The following JARID2 variants were observed in gnomAD, a reference collection of about 807,000 sequenced individuals.
JARID2 encodes the protein protein Jumonji.
Under a neutral mutation model 125.6 loss-of-function variants are expected in JARID2, and 21 were observed. That is an observed-to-expected ratio of 0.17 (90% CI 0.12 to 0.24). The LOEUF is 0.24. Ranked by LOEUF, JARID2 falls within the 10% of genes least tolerant of loss-of-function variation. The probability of loss-of-function intolerance (pLI) is 1.00; values close to 1 mark genes in which losing one functional copy is unlikely to be tolerated. For missense variants in JARID2, 1,303 were observed against 1,639.6 expected (o/e 0.79, Z 3.55); for synonymous variants, 736 against 661.6 (o/e 1.11, Z -1.73).
At chr6:15,473,509 T>C (rs1769179681) in intron 5 of JARID2, among the ~76,000 whole-genome samples, 1 of 44,940 alleles carries the variant, frequency 2.2e-5, no homozygotes, top group Admixed American at 2.5e-4. Flanking sequence ...TCTTCTGATG[T>C]GCGTGCCCCC....
chr6:15,380,870 T>C (rs1288962209), intron 2 of JARID2, among the ~76,000 whole-genome samples: 1 of 152,134 alleles, frequency 6.6e-6, no homozygotes, highest in African/African-American at 2.4e-5. Context: ...CATGGTCTGA[T>C]TTACGTAAGT....
At chr6:15,407,878 A>C (rs1765715203) in intron 2 of JARID2, among the ~76,000 whole-genome samples, 2 of 152,212 alleles carry the variant, frequency 1.3e-5, no homozygotes, top group Non-Finnish European at 2.9e-5. Context: ...GTATTTGTTA[A>C]GTAAATTAAT....
chr6:15,274,310 A>G (rs1760410971), intron 1 of JARID2, among the ~76,000 whole-genome samples: 1 of 151,878 alleles, frequency 6.6e-6, no homozygotes, highest in Non-Finnish European at 1.5e-5. Flanking sequence ...GTTTTGGGGG[A>G]TGTCTTTAAT....
At chr6:15,500,681 G>A (rs991540149) in intron 7 of JARID2, among the ~76,000 whole-genome samples, 1 of 152,094 alleles carries the variant, frequency 6.6e-6, no homozygotes, top group Non-Finnish European at 1.5e-5. Context: ...CACCTAAAAT[G>A]GTAGTCCCTC....
chr6:15,439,001 C>T (rs1581566122), intron 3 of JARID2, among the ~76,000 whole-genome samples: 2 of 149,210 alleles, frequency 1.3e-5, no homozygotes, highest in African/African-American at 5.0e-5. Context: ...CACTGCACTC[C>T]AGCCTGGGTG....
At chr6:15,475,688 T>C (rs148037918) in intron 5 of JARID2, among the ~76,000 whole-genome samples, 1 of 152,292 alleles carries the variant, frequency 6.6e-6, no homozygotes, top group East Asian at 1.9e-4. Context: ...AGCTGTGCTT[T>C]TAGATGAAAA....
At chr6:15,276,915 C>T (rs1021276899) in intron 1 of JARID2, among the ~76,000 whole-genome samples, 4 of 152,168 alleles carry the variant, frequency 2.6e-5, no homozygotes, top group Non-Finnish European at 1.5e-5. Flanking sequence ...TACAAGGCCA[C>T]CAGCACTCAG....
intron 1 of JARID2, among the ~76,000 whole-genome samples, chr6:15,358,240 C>T (rs1763674294): frequency 6.6e-6 from 1 of 152,158 alleles, no homozygotes; most frequent in Non-Finnish European, 1.5e-5. Flanking sequence ...ATAAGCGTTT[C>T]TATCATCAAC....
At chr6:15,282,450 T>G (rs1760788939) in intron 1 of JARID2, among the ~76,000 whole-genome samples, 4 of 152,206 alleles carry the variant, frequency 2.6e-5, no homozygotes, top group African/African-American at 9.7e-5. Flanking sequence ...CGTTGGTCTG[T>G]CAGCTGTCCA....
intron 12 of JARID2, among the ~76,000 whole-genome samples, chr6:15,508,764 G>GTT (rs1771128380): frequency 6.6e-6 from 1 of 152,186 alleles, no homozygotes; most frequent in South Asian, 2.1e-4. Flanking sequence ...ACTTACGTCT[G>GTT]TTTTTGTTTT....
intron 5 of JARID2, among the ~76,000 whole-genome samples, chr6:15,482,559 G>GT (rs1286293996): frequency 1.3e-4 from 20 of 152,036 alleles, no homozygotes; most frequent in African/African-American, 3.9e-4. Flanking sequence ...TGTTAATCCC[G>GT]TTAATGTCTT....
In JARID2 at chr6:15,366,885, T is replaced by TA. The variant is rs1305088700; in HGVS notation, c.46-7231dup. On this transcript the variant is annotated intron_variant, in intron 1 of 17. Transcript: ENST00000341776. ...CTTTAGAACAGATGTGTGTCACACT[T>TA]ACAATCCTGCTATGTCTATGTTATA... is the stretch of plus-strand genomic sequence containing the variant. 3.9e-5 allele frequency among the ~76,000 whole-genome samples: 6 copies of TA among 152,218 alleles called. No homozygotes were observed. In the East Asian group the frequency reaches 5.8e-4, roughly 15 times the overall value.
intron 3 of JARID2, among the ~76,000 whole-genome samples, chr6:15,434,025 T>A (rs1767094451): frequency 6.6e-6 from 1 of 151,880 alleles, no homozygotes; most frequent in South Asian, 2.1e-4. Context: ...TTACTTTCCC[T>A]GGTTTCACAT....
intron 3 of JARID2, among the ~76,000 whole-genome samples, chr6:15,434,179 G>A (rs912703510): frequency 6.6e-6 from 1 of 151,542 alleles, no homozygotes; most frequent in East Asian, 1.9e-4. Context: ...AAGTTTTGTT[G>A]TAGATCAGAG....
At chr6:15,252,546 C>G (rs897708779) in intron 1 of JARID2, among the ~76,000 whole-genome samples, 16 of 152,142 alleles carry the variant, frequency 1.1e-4, no homozygotes, top group African/African-American at 3.6e-4. Context: ...GTGCCATTTA[C>G]TGAGTGGCAG....
chr6:15,451,174 T>C (rs528121797), intron 3 of JARID2, among the ~76,000 whole-genome samples: 5 of 152,306 alleles, frequency 3.3e-5, no homozygotes, highest in Non-Finnish European at 5.9e-5. Context: ...CAAAACACTG[T>C]TCCAAGATCT....
At chr6:15,305,315 C>T (rs530377350) in intron 1 of JARID2, among the ~76,000 whole-genome samples, 12 of 151,946 alleles carry the variant, frequency 7.9e-5, no homozygotes, top group South Asian at 2.1e-4. Flanking sequence ...AGAGCAACTC[C>T]GCTGTGGGCC....
intron 3 of JARID2, among the ~76,000 whole-genome samples, chr6:15,420,687 T>C (rs1170629722): frequency 2.0e-5 from 3 of 152,252 alleles, no homozygotes; most frequent in Non-Finnish European, 4.4e-5. Context: ...TCTCTACATA[T>C]TCTTGAGCAT....
At chr6:15,414,196 G>C (rs1175811437) in intron 3 of JARID2, among the ~76,000 whole-genome samples, 2 of 152,100 alleles carry the variant, frequency 1.3e-5, no homozygotes, top group African/African-American at 4.8e-5. Flanking sequence ...AAAATCTATG[G>C]TGGAGACTGA....
Sources: gnomAD v4.1 joint callset for allele counts (sites outside exome capture counted in the v4.1 genomes callset) on GRCh38, gnomAD v4.1.1 for gene constraint, MANE v1.5 for transcripts, NCBI Gene and HGNC (gene_info 2026-07-23, HGNC 2026-07-21) for gene names.